Variants in TRABD2B observed in about 807,000 individuals in gnomAD.
TRABD2B encodes TraB domain containing 2B.
A neutral mutation model predicts 40.1 loss-of-function variants in TRABD2B; 14 were observed. The observed-to-expected ratio is 0.35, with a 90% CI of 0.23 to 0.55. The LOEUF is 0.55. Among genes scored for constraint, TRABD2B ranks in the 20% least tolerant of loss-of-function variants. TRABD2B has a pLI of 0.90. For missense variants in TRABD2B, 541 were observed against 648.6 expected, an observed-to-expected ratio of 0.83 and a Z score of 1.80; for synonymous variants, 263 against 277.0, an observed-to-expected ratio of 0.95 and a Z score of 0.50.
chr1:47,956,359 T>A (rs1384614387), intron 2 of TRABD2B, among the ~76,000 whole-genome samples: 1 of 152,144 alleles, frequency 6.6e-6, no homozygotes, highest in African/African-American at 2.4e-5. Context: ...CTGGGGCTTG[T>A]CGGACAGTGG....
chr1:47,948,867 C>G (rs913382518), intron 2 of TRABD2B, among the ~76,000 whole-genome samples: 1 of 152,158 alleles, frequency 6.6e-6, no homozygotes, highest in African/African-American at 2.4e-5. Context: ...CTCCTCATCA[C>G]CCCTCTCTCA....
chr1:47,932,613 C>T (rs1203040089), intron 2 of TRABD2B, among the ~76,000 whole-genome samples: 3 of 152,086 alleles, frequency 2.0e-5, no homozygotes, highest in Non-Finnish European at 2.9e-5. Context: ...AGCAAAAATT[C>T]GTGCAACAGG....
At chr1:47,945,317 G>A (rs1645245994) in intron 2 of TRABD2B, among the ~76,000 whole-genome samples, 1 of 152,206 alleles carries the variant, frequency 6.6e-6, no homozygotes, top group Non-Finnish European at 1.5e-5. Flanking sequence ...CTAAGGGAAA[G>A]AGGCTTCAGG....
At position 47,994,900 on chromosome 1, in the gene TRABD2B, T is replaced by C. The variant is rs542700240; in HGVS notation, c.103-303A>G. Among the ~76,000 whole-genome samples, 18 of 152,184 alleles carry C rather than the reference T, an allele frequency of 1.2e-4. No homozygotes were observed. The highest frequency in any genetic ancestry group is 4.1e-4 in the African/African-American group (17 of 41,516). On this transcript the variant is annotated intron_variant, in intron 1 of 6. Coordinates refer to ENST00000606738, the MANE Select transcript of TRABD2B (RefSeq NM_001194986.2). This position sits in a 1 kb window ranked among gnomAD's most constrained non-coding sequence, Gnocchi z 6.7. The stretch of plus-strand genomic sequence containing the variant: ...GGAGGATTAAAAGATACAATATATG[T>C]ATATTAAGCCCTCAGAGCAGTGCCA...
intron 2 of TRABD2B, among the ~76,000 whole-genome samples, chr1:47,964,091 C>G (rs1645562741): frequency 6.6e-6 from 1 of 152,188 alleles, no homozygotes; most frequent in Non-Finnish European, 1.5e-5. Flanking sequence ...TAAACAAACC[C>G]TGGTGAAAAG....
chr1:47,992,139 C>G lies in TRABD2B; in HGVS notation c.666+1895G>C, dbSNP rs1038563168. Among the ~76,000 whole-genome samples the G allele has an allele frequency of 4.6e-5, 7 of 152,272 alleles. No individual in the cohort carries two copies. The East Asian group carries it at 1.4e-3, about 29-fold the overall frequency. On this transcript the variant is annotated intron_variant, in intron 2 of 6. Coordinates refer to ENST00000606738, the MANE Select transcript of TRABD2B (RefSeq NM_001194986.2). ...TGCTTTCTGCAGCTCTTTTGAGGAG[C>G]TGGACCAAAGAACAATTTTAAGAGT...
chr1:47,888,155 G>A (rs966475344), intron 2 of TRABD2B, among the ~76,000 whole-genome samples: 1 of 152,214 alleles, frequency 6.6e-6, no homozygotes, highest in African/African-American at 2.4e-5. Context: ...TCTTCCAGGA[G>A]CATCTGCTTT....
rs1646068463 is a variant in TRABD2B, at chr1:47,994,905, T to C, written c.103-308A>G. On this transcript the variant is annotated intron_variant, in intron 1 of 6. Coordinates refer to ENST00000606738, the MANE Select transcript of TRABD2B (RefSeq NM_001194986.2). This position sits in a 1 kb window ranked among gnomAD's most constrained non-coding sequence, Gnocchi z 6.7. The stretch of plus-strand genomic sequence containing the variant: ...ATTAAAAGATACAATATATGTATAT[T>C]AAGCCCTCAGAGCAGTGCCAGGTAC... Among the ~76,000 whole-genome samples, 1 of 152,164 alleles carries C rather than the reference T, an allele frequency of 6.6e-6. No individual in the cohort carries two copies. Among genetic ancestry groups the C allele is most frequent in the South Asian group, 2.1e-4 (1 of 4,830 alleles).
At chr1:47,861,517 A>C (rs935205633) in intron 2 of TRABD2B, among the ~76,000 whole-genome samples, 2 of 152,210 alleles carry the variant, frequency 1.3e-5, no homozygotes, top group African/African-American at 4.8e-5. Context: ...AACCTAGATA[A>C]AATGGGCCAA....
chr1:47,914,149 C>T (rs1644798423), intron 2 of TRABD2B, among the ~76,000 whole-genome samples: 2 of 152,374 alleles, frequency 1.3e-5, no homozygotes, highest in South Asian at 4.1e-4. Context: ...AATTATCCAC[C>T]TTTGAAATCA....
chr1:47,925,153 T>G (rs1644953138), intron 2 of TRABD2B, among the ~76,000 whole-genome samples: 1 of 152,222 alleles, frequency 6.6e-6, no homozygotes. Flanking sequence ...TCCAGTTTGA[T>G]TAGTTTGACT....
intron 2 of TRABD2B, among the ~76,000 whole-genome samples, chr1:47,864,918 C>T (rs1350265190): frequency 1.3e-5 from 2 of 151,992 alleles, no homozygotes; most frequent in East Asian, 3.9e-4. Context: ...ACTCCTAAAC[C>T]CTGCCCTGGA....
intron 2 of TRABD2B, among the ~76,000 whole-genome samples, chr1:47,827,845 G>T (rs893944619): frequency 6.6e-6 from 1 of 152,060 alleles, no homozygotes; most frequent in Non-Finnish European, 1.5e-5. Flanking sequence ...GGCCCACAAT[G>T]AGGTACCCCC....
Position 47,775,171 on chromosome 1 carries a change from T to G in TRABD2B, c.1348A>C (p.Ser450Arg), listed in dbSNP as rs1374570685. Residue 450 changes from serine to arginine, a missense_variant and splice_region_variant, in exon 6 of 7, where the codon AGC (serine) becomes CGC (arginine). This residue lies in a region of TRABD2B where 172 missense variants were observed against 155.8 expected (regional missense o/e 1.10). Coordinates refer to ENST00000606738, the MANE Select transcript of TRABD2B (RefSeq NM_001194986.2). ...FNDLWVRIED[S>R]TTASPPPLPL... ...GCAGACCTGCCCTCCCTGGCTCACC[T>G]GTCCTCGATGCGGACCCAGAGGTCA... 1 of 1,234,828 alleles carries G rather than the reference T, an allele frequency of 8.1e-7. No homozygotes were observed. The highest frequency in any genetic ancestry group is 3.1e-5 in the East Asian group (1 of 31,816). The allele number at this position is 1,234,828 out of a possible 1,614,324, so 76.5% of individuals were successfully genotyped here.
At chr1:47,853,609 A>G (rs375928978) in intron 2 of TRABD2B, among the ~76,000 whole-genome samples, 29 of 152,314 alleles carry the variant, frequency 1.9e-4, no homozygotes, top group Middle Eastern at 3.4e-3. Flanking sequence ...GGAGACCATG[A>G]TGGTTAATAT....
intron 2 of TRABD2B, among the ~76,000 whole-genome samples, chr1:47,824,090 G>C (rs1179697489): frequency 6.6e-6 from 1 of 152,170 alleles, no homozygotes; most frequent in Non-Finnish European, 1.5e-5. Context: ...TCCTTCCTGA[G>C]CCTGGATTTC....
chr1:47,778,190 C>T (rs1190537986), intron 5 of TRABD2B, among the ~76,000 whole-genome samples: 1 of 152,206 alleles, frequency 6.6e-6, no homozygotes, highest in East Asian at 1.9e-4. Context: ...ACCCCCGACC[C>T]AACCCACCAT....
intron 6 of TRABD2B, among the ~76,000 whole-genome samples, chr1:47,772,720 T>C (rs80035374): frequency 0.048 from 7,220 of 151,882 alleles, 491 homozygotes; most frequent in East Asian, 0.31. Flanking sequence ...TCTTAGAAAA[T>C]TGGAAACCTG....
chr1:47,805,778 C>T (rs758420182), intron 2 of TRABD2B, among the ~76,000 whole-genome samples: 2 of 151,970 alleles, frequency 1.3e-5, no homozygotes, highest in Non-Finnish European at 2.9e-5. Context: ...TTAATCTTTA[C>T]AGCAACTCTG....
Sources: allele counts gnomAD v4.1 joint callset (sites outside exome capture counted in the v4.1 genomes callset), GRCh38; gene constraint gnomAD v4.1.1; regional missense constraint gnomAD v4.1.1; non-coding constraint Gnocchi (gnomAD v3.1); transcripts MANE v1.5; gene names NCBI Gene and HGNC (gene_info 2026-07-23, HGNC 2026-07-21).